Variants in RPL14 observed in about 807,000 individuals in gnomAD.
RPL14 encodes ribosomal protein L14, also known as large ribosomal subunit protein eL14.
A neutral mutation model predicts 25.3 loss-of-function variants in RPL14; 4 were observed. The ratio of observed to expected loss-of-function variants is 0.16; its 90% CI spans 0.08 to 0.36. The LOEUF is 0.36. Ranked by LOEUF, RPL14 falls within the 10% of genes least tolerant of loss-of-function variation. The pLI is 1.00. For missense variants in RPL14, 212 were observed against 261.9 expected, an observed-to-expected ratio of 0.81 and a Z score of 1.31; for synonymous variants, 75 against 89.8, an observed-to-expected ratio of 0.84 and a Z score of 0.93.
rs1697033630 is a variant in RPL14 at position 40,466,831 on chromosome 3, C to T, written c.*4599C>T. 1 of 152,202 alleles carries T rather than the reference C, an allele frequency of 6.6e-6. No individual in the cohort carries two copies. Among genetic ancestry groups the T allele is most frequent in the South Asian group, 2.1e-4 (1 of 4,838 alleles). 9.4% of individuals were successfully genotyped at this position (152,202 alleles called of 1,614,324 possible). A position where few individuals can be genotyped will look rare whatever the true frequency, so the allele number is the denominator to read the frequency against. On this transcript the variant is annotated 3_prime_UTR_variant, in exon 6 of 6. Transcript: ENST00000396203. ...AAGTTTGGTTTTCAGAAAGTCTTGA[C>T]TTCCTCTTATCTCTAAGTAATTGGC...
chr3:40,458,463 G>C (rs1696878597), intron 2 of RPL14, 179 bp from the exon 3 acceptor site: 2 of 597,644 alleles, frequency 3.3e-6, no homozygotes, highest in Non-Finnish European at 5.9e-6. Context: ...TGTTTGTGTT[G>C]AGCAAAAGAC....
rs770381795 is a variant in RPL14 at position 40,462,373 on chromosome 3, C to CATTTTTTTTTTTTTTTTTTTTTTT, written c.*141_*142insATTTTTTTTTTTTTTTTTTTTTTT. 1 of 286,810 alleles carries CATTTTTTTTTTTTTTTTTTTTTTT rather than the reference C, an allele frequency of 3.5e-6. No individual in the cohort carries two copies. The allele number at this position is 286,810 out of a possible 1,614,324, so 17.8% of individuals were successfully genotyped here. On this transcript the variant is annotated 3_prime_UTR_variant, in exon 6 of 6. Coordinates refer to ENST00000396203, the MANE Select transcript of RPL14 (RefSeq NM_001034996.3). Reference sequence around the variant, plus strand: ...ATAATAAACATTAAATAATCAGTTCCTTTTTTTTTTTTTTTTTTTTTGAGA... The same window carrying CATTTTTTTTTTTTTTTTTTTTTTT: ...ATAATAAACATTAAATAATCAGTTCCATTTTTTTTTTTTTTTTTTTTTTTTTTTTTTTTTTTTTTTTTTTTGAGA...
chr3:40,459,307 G>T (rs1575250487), intron 3 of RPL14, among the ~76,000 whole-genome samples: 1 of 152,278 alleles, frequency 6.6e-6, no homozygotes, highest in East Asian at 1.9e-4. Flanking sequence ...TTAGCTTAAA[G>T]TAAACAACAA....
At chr3:40,458,140 T>G (rs1696873376) in intron 2 of RPL14, 149 bp downstream of exon 2, 2 of 671,168 alleles carry the variant, frequency 3.0e-6, no homozygotes, top group Non-Finnish European at 5.2e-6. Flanking sequence ...GGTACGGGTT[T>G]TAAGCACAGC....
chr3:40,461,457 C>G lies in RPL14; in HGVS notation c.251C>G (p.Thr84Arg). 6.2e-7 allele frequency: 1 copy of G among 1,614,072 alleles called. No individual in the cohort carries two copies. The change falls in exon 4 of 6, where the codon ACA becomes AGA. Residue 84 changes from threonine to arginine, a missense_variant. Around this residue, in one of 3 missense-constraint regions of RPL14, gnomAD observed 143 missense variants for 180.3 expected, o/e 0.79. Transcript: ENST00000396203. ...GCCTGGCAGAAGGCAGACATCAATA[C>G]AAAATGGGCAGCCACACGATGGGCC... is the stretch of plus-strand genomic sequence containing the variant. ...RQAWQKADIN[T>R]KWAATRWAKK...
At position 40,464,683 on chromosome 3, in the gene RPL14, T is replaced by C; in HGVS notation, c.*2451T>C. ...CTTATGGGATCAAGACTGGGAATGCTCGGGTTGGCAGTATGAAGTTTGGCA... is the reference window on the plus strand; with the variant it reads ...CTTATGGGATCAAGACTGGGAATGCCCGGGTTGGCAGTATGAAGTTTGGCA... On this transcript the variant is annotated 3_prime_UTR_variant, in exon 6 of 6. Coordinates refer to ENST00000396203, the MANE Select transcript of RPL14 (RefSeq NM_001034996.3). 1 of 339,240 alleles carries C rather than the reference T, an allele frequency of 2.9e-6. No homozygotes were observed. Among genetic ancestry groups the C allele is most frequent in the South Asian group, 2.3e-5 (1 of 43,556 alleles). The allele number at this position is 339,240 out of a possible 1,614,324, so 21.0% of individuals were successfully genotyped here.
Position 40,462,089 on chromosome 3 carries a change from G to T in RPL14, c.505G>T (p.Ala169Ser). 1 of 1,605,530 alleles carries T rather than the reference G, an allele frequency of 6.2e-7. No individual in the cohort carries two copies. Among genetic ancestry groups the T allele is most frequent in the African/African-American group, 1.3e-5 (1 of 74,404 alleles). Residue 169 changes from alanine to serine, a missense_variant, in exon 6 of 6, where the codon GCG becomes TCG. Physicochemically the swap from Ala to Ser is moderately conservative, Grantham distance 99 (BLOSUM62 1). This residue lies in a region of RPL14 where 66 missense variants were observed against 62.6 expected (regional missense o/e 1.05). Coordinates refer to ENST00000396203, the MANE Select transcript of RPL14 (RefSeq NM_001034996.3). The stretch of plus-strand genomic sequence containing the variant: ...AGTTCCAGCAAAAAAGATCACCGCC[G>T]CGAGTAAAAAGGCTCCAGCCCAGAA... ...AKVPAKKITA[A>S]SKKAPAQKVP...
At position 40,465,594 on chromosome 3, in the gene RPL14, A is replaced by G. The variant is rs893634343; in HGVS notation, c.*3362A>G. On this transcript the variant is annotated 3_prime_UTR_variant, in exon 6 of 6. Transcript: ENST00000396203. The stretch of plus-strand genomic sequence containing the variant: ...TAGCAAGGCAAGGTCATACACTGAG[A>G]AGGAGGGATGAGGCAGTGTAGATTT... 1.4e-4 allele frequency: 21 copies of G among 152,166 alleles called. No homozygotes were observed. Among genetic ancestry groups the G allele is most frequent in the African/African-American group, 4.8e-4 (20 of 41,436 alleles). 9.4% of individuals were successfully genotyped at this position (152,166 alleles called of 1,614,324 possible).
chr3:40,457,648 G>C, intron 1 of RPL14, 174 bp downstream of exon 1: 1 of 676,502 alleles, frequency 1.5e-6, no homozygotes, highest in Non-Finnish European at 2.5e-6. Context: ...CGTGGTCCGA[G>C]AGCCTTGTCC....
chr3:40,461,177 C>T (rs1252658802), intron 3 of RPL14, among the ~76,000 whole-genome samples: 1 of 150,682 alleles, frequency 6.6e-6, no homozygotes, highest in Non-Finnish European at 1.5e-5. Context: ...GCCTGGGTGG[C>T]AAGCAAGATC....
Position 40,464,450 on chromosome 3 carries a change from A to G in RPL14, c.*2218A>G, listed in dbSNP as rs1157663597. 2.2e-6 allele frequency: 1 copy of G among 456,066 alleles called. No individual in the cohort carries two copies. Among genetic ancestry groups the G allele is most frequent in the Admixed American group, 2.3e-5 (1 of 42,554 alleles). 28.3% of individuals were successfully genotyped at this position (456,066 alleles called of 1,614,324 possible). A position where few individuals can be genotyped will look rare whatever the true frequency, so the allele number is the denominator to read the frequency against. On this transcript the variant is annotated 3_prime_UTR_variant, in exon 6 of 6. Transcript: ENST00000396203. ...GAATTGTCTAGAGAAAGTGGCATCT[A>G]TACCTAAAATAAGAAGAAGGTGGTG...
Position 40,467,825 on chromosome 3 carries a change from T to G in RPL14, c.*5593T>G, listed in dbSNP as rs60517442. The G allele has an allele frequency of 0.01, 1,330 of 129,142 alleles. 5 individuals are homozygous for G. Among genetic ancestry groups the G allele is most frequent in the African/African-American group, 0.018 (633 of 34,598 alleles). The allele number at this position is 129,142 out of a possible 1,614,324, so 8.0% of individuals were successfully genotyped here. On this transcript the variant is annotated 3_prime_UTR_variant, in exon 6 of 6. Transcript: ENST00000396203. ...TTTTTGTTTTTTGTGTGTGTGTGTT[T>G]TTTTTTTTTTTGAGACGAGGTCTTG... is the stretch of plus-strand genomic sequence containing the variant.
intron 3 of RPL14, among the ~76,000 whole-genome samples, chr3:40,459,896 G>A (rs893132986): frequency 6.8e-5 from 10 of 147,742 alleles, no homozygotes; most frequent in Admixed American, 6.8e-5. Context: ...TGTATGCTGA[G>A]CACTACAGGC....
In RPL14 at chr3:40,461,458, A is replaced by T; in HGVS notation, c.252A>T (p.Thr84=). The T allele has an allele frequency of 3.7e-6, 6 of 1,614,192 alleles. No homozygotes were observed. The highest frequency in any genetic ancestry group is 5.1e-6 in the Non-Finnish European group (6 of 1,180,026). The change falls in exon 4 of 6, where the codon ACA becomes ACT. Residue 84 remains threonine (T), a synonymous_variant. Coordinates refer to ENST00000396203, the MANE Select transcript of RPL14 (RefSeq NM_001034996.3). ...CCTGGCAGAAGGCAGACATCAATAC[A>T]AAATGGGCAGCCACACGATGGGCCA... ...RQAWQKADIN[T]KWAATRWAKK...
rs1317183591 is a variant in RPL14, at chr3:40,458,741, C to G, written c.200+5C>G. ...CATCCTCAAGTTTCCGCACAGGTAA[C>G]TGTCCACTAATCACTCCTCCCTCCC... On this transcript the variant is annotated splice_donor_5th_base_variant and intron_variant, in intron 3 of 5. Coordinates refer to ENST00000396203, the MANE Select transcript of RPL14 (RefSeq NM_001034996.3). 1.9e-6 allele frequency: 3 copies of G among 1,612,268 alleles called. No individual in the cohort carries two copies. The East Asian group carries it at 6.7e-5, about 36-fold the overall frequency.
rs1340015628 is a variant in RPL14, at chr3:40,466,556, TC to T, written c.*4325del. On this transcript the variant is annotated 3_prime_UTR_variant, in exon 6 of 6. Transcript: ENST00000396203. ...AAAATGGCTGATTTCAGAGTCATAT[TC>T]AGGTTTAAATTCTGTCATTCAGCCC... 19 of 151,008 alleles carry T rather than the reference TC, an allele frequency of 1.3e-4. No homozygotes were observed. The highest frequency in any genetic ancestry group is 4.4e-4 in the African/African-American group (18 of 41,154). 9.4% of individuals were successfully genotyped at this position (151,008 alleles called of 1,614,324 possible).
rs1696960087 is a variant in RPL14, at chr3:40,462,523, C to A, written c.*291C>A. The A allele has an allele frequency of 4.1e-6, 1 of 242,972 alleles. No homozygotes were observed. Among genetic ancestry groups the A allele is most frequent in the Non-Finnish European group, 7.9e-6 (1 of 127,166 alleles). The allele number at this position is 242,972 out of a possible 1,614,324, so 15.1% of individuals were successfully genotyped here. On this transcript the variant is annotated 3_prime_UTR_variant, in exon 6 of 6. Transcript: ENST00000396203. Reference sequence around the variant, plus strand: ...TCCTGAGCAGCTGGGACTACAGGTGCCCGCCACCGCGCCTGGCTAATTTTT... The same window carrying A: ...TCCTGAGCAGCTGGGACTACAGGTGACCGCCACCGCGCCTGGCTAATTTTT...
intron 3 of RPL14, chr3:40,459,049 A>G (rs1406375349): frequency 1.3e-5 from 4 of 299,482 alleles, no homozygotes; most frequent in Non-Finnish European, 2.6e-5. Flanking sequence ...GCATGGTGGC[A>G]CGCGCCTGTA....
chr3:40,457,832 G>A, intron 1 of RPL14, 58 bp from the exon 2 acceptor site: 4 of 1,433,608 alleles, frequency 2.8e-6, no homozygotes, highest in South Asian at 2.3e-5. Context: ...TGCAGAAGGT[G>A]ACATATGTAG....
Sources: allele counts gnomAD v4.1 joint callset (sites outside exome capture counted in the v4.1 genomes callset), GRCh38; gene constraint gnomAD v4.1.1; regional missense constraint gnomAD v4.1.1; transcripts MANE v1.5; gene names NCBI Gene and HGNC (gene_info 2026-07-23, HGNC 2026-07-21).